The following NKAIN1 variants were observed in gnomAD, a reference collection of about 807,000 sequenced individuals.
The protein encoded by NKAIN1 is sodium/potassium-transporting ATPase subunit beta-1-interacting protein 1.
A neutral mutation model predicts 31.6 loss-of-function variants in NKAIN1; 13 were observed. The observed-to-expected ratio is 0.41, with a 90% confidence interval of 0.27 to 0.65. NKAIN1 has a LOEUF of 0.65. Among genes scored for constraint, NKAIN1 ranks in the 30% least tolerant of loss-of-function variants. The pLI, the probability that NKAIN1 is intolerant of heterozygous loss-of-function variation, is 0.30. For synonymous variants in NKAIN1, 104 were observed against 109.0 expected (o/e 0.95, Z 0.28); for missense variants, 193 against 262.2 (o/e 0.74, Z 1.82).
intron 1 of NKAIN1, among the ~76,000 whole-genome samples, chr1:31,215,354 C>G (rs1247727759): frequency 6.6e-6 from 1 of 152,200 alleles, no homozygotes; most frequent in Non-Finnish European, 1.5e-5. Context: ...TCGGACCCAG[C>G]ATCCCGCTTC....
chr1:31,182,453 G>A, intron 5 of NKAIN1, 77 bp downstream of exon 5: 1 of 1,532,032 alleles, frequency 6.5e-7, no homozygotes, highest in Non-Finnish European at 9.0e-7. Context: ...TCCCGCCGGG[G>A]CCAGTCACAG....
At chr1:31,231,819 T>C (rs560085060) in intron 1 of NKAIN1, among the ~76,000 whole-genome samples, 12 of 152,190 alleles carry the variant, frequency 7.9e-5, no homozygotes, top group South Asian at 2.1e-4. Flanking sequence ...CGTGAGCCAC[T>C]GCACCTGGCG....
At chr1:31,202,389 G>A (rs533448414) in intron 1 of NKAIN1, among the ~76,000 whole-genome samples, 54 of 152,090 alleles carry the variant, frequency 3.6e-4, no homozygotes, top group South Asian at 6.2e-4. Context: ...AAATCAGGCC[G>A]GGGACCAGGC....
At position 31,239,326 on chromosome 1, in the gene NKAIN1, C is replaced by T. The variant is rs1645715739; in HGVS notation, c.54+168G>A. ...AGCGCACACAAAGAGACAGCCCGGC[C>T]AGCGGGAGCAGGCTCCGCCCGACCG... On this transcript the variant is annotated intron_variant, in intron 1 of 6. Transcript: ENST00000373736. The surrounding 1 kb of genome is among the most constrained non-coding windows in gnomAD (Gnocchi z 4.8). Among the ~76,000 whole-genome samples the T allele has an allele frequency of 6.6e-6, 1 of 152,066 alleles. No individual in the cohort carries two copies. Among genetic ancestry groups the T allele is most frequent in the Non-Finnish European group, 1.5e-5 (1 of 67,986 alleles).
At chr1:31,214,131 C>T (rs1645492651) in intron 1 of NKAIN1, among the ~76,000 whole-genome samples, 1 of 152,034 alleles carries the variant, frequency 6.6e-6, no homozygotes, top group African/African-American at 2.4e-5. Context: ...CCTGCTACAA[C>T]ATGAATGACC....
chr1:31,238,357 C>A (rs1645707663), intron 1 of NKAIN1, among the ~76,000 whole-genome samples: 1 of 152,186 alleles, frequency 6.6e-6, no homozygotes, highest in Non-Finnish European at 1.5e-5. Context: ...ACAAGGAGTC[C>A]AGCATGAGGG....
At chr1:31,200,148 G>A (rs887710761) in intron 1 of NKAIN1, among the ~76,000 whole-genome samples, 10 of 152,198 alleles carry the variant, frequency 6.6e-5, no homozygotes, top group African/African-American at 2.4e-4. Context: ...CAGGGCTTTT[G>A]CAGCCTTGCT....
At position 31,209,989 on chromosome 1, in the gene NKAIN1, T is replaced by TAAAA. The variant is rs71569969; in HGVS notation, c.55-21806_55-21803dup. Among the ~76,000 whole-genome samples the TAAAA allele has an allele frequency of 4.6e-3, 630 of 137,166 alleles. 9 individuals are homozygous for TAAAA. Among genetic ancestry groups the TAAAA allele is most frequent in the African/African-American group, 0.015 (573 of 37,066 alleles). The allele number at this position is 137,166 out of a possible 152,430, so 90.0% of individuals were successfully genotyped here. A position where few individuals can be genotyped will look rare whatever the true frequency, so the allele number is the denominator to read the frequency against. On this transcript the variant is annotated intron_variant, in intron 1 of 6. Transcript: ENST00000373736. ...GCAACAGAGCATGACCCTGTCTTAT[T>TAAAA]AAAAAAAAAAAAAAAAGATAAGAAT...
chr1:31,201,582 C>T (rs1423286762), intron 1 of NKAIN1, among the ~76,000 whole-genome samples: 1 of 151,958 alleles, frequency 6.6e-6, no homozygotes, highest in East Asian at 1.9e-4. Flanking sequence ...AGGATGGTCT[C>T]GATCTCCTGA....
chr1:31,182,442 C>G, intron 5 of NKAIN1, 88 bp downstream of exon 5: 3 of 1,493,892 alleles, frequency 2.0e-6, no homozygotes, highest in Non-Finnish European at 1.9e-6. Context: ...CCTGGGCTCC[C>G]TCCCGCCGGG....
At chr1:31,216,607 G>A (rs1489366948) in intron 1 of NKAIN1, among the ~76,000 whole-genome samples, 1 of 152,186 alleles carries the variant, frequency 6.6e-6, no homozygotes, top group Non-Finnish European at 1.5e-5. Flanking sequence ...CCTGCTAGGA[G>A]AGCTGGAGGA....
chr1:31,224,403 A>G (rs1335775049), intron 1 of NKAIN1, among the ~76,000 whole-genome samples: 1 of 152,180 alleles, frequency 6.6e-6, no homozygotes, highest in African/African-American at 2.4e-5. Context: ...TGCAGTTTCG[A>G]ATACAGATGC....
chr1:31,216,978 G>T (rs1027375610), intron 1 of NKAIN1, among the ~76,000 whole-genome samples: 5 of 152,114 alleles, frequency 3.3e-5, no homozygotes, highest in African/African-American at 1.2e-4. Flanking sequence ...CGATTCTCCC[G>T]CCTCAACCTC....
At chr1:31,215,198 C>T (rs1645501682) in intron 1 of NKAIN1, among the ~76,000 whole-genome samples, 2 of 152,164 alleles carry the variant, frequency 1.3e-5, no homozygotes, top group South Asian at 4.1e-4. Flanking sequence ...CTTCTGACTT[C>T]TCCTTCCGAC....
At chr1:31,202,264 G>T (rs1365571319) in intron 1 of NKAIN1, among the ~76,000 whole-genome samples, 1 of 152,172 alleles carries the variant, frequency 6.6e-6, no homozygotes, top group Non-Finnish European at 1.5e-5. Context: ...CTCTGAGCTG[G>T]CAACTCCATT....
intron 1 of NKAIN1, among the ~76,000 whole-genome samples, chr1:31,229,545 A>AC (rs950246618): frequency 4.0e-5 from 6 of 150,214 alleles, no homozygotes; most frequent in Admixed American, 6.6e-5. Context: ...AATCTTTTAC[A>AC]TTTTTTTTTC....
At chr1:31,203,918 T>A (rs1007398607) in intron 1 of NKAIN1, among the ~76,000 whole-genome samples, 3 of 152,120 alleles carry the variant, frequency 2.0e-5, no homozygotes, top group African/African-American at 7.2e-5. Context: ...AACAAACACA[T>A]TCAAAGACAA....
intron 1 of NKAIN1, among the ~76,000 whole-genome samples, chr1:31,236,661 C>T (rs773515966): frequency 6.6e-6 from 1 of 152,142 alleles, no homozygotes; most frequent in Non-Finnish European, 1.5e-5. Flanking sequence ...TCTTGTGCAA[C>T]CTTCACAAGC....
chr1:31,194,218 A>C (rs1385058000), intron 1 of NKAIN1, among the ~76,000 whole-genome samples: 1 of 152,168 alleles, frequency 6.6e-6, no homozygotes, highest in Non-Finnish European at 1.5e-5. Flanking sequence ...CCAGAGTGAC[A>C]GATGAGAACA....
Sources: gnomAD v4.1 joint callset for allele counts (sites outside exome capture counted in the v4.1 genomes callset) on GRCh38, gnomAD v4.1.1 for gene constraint, Gnocchi (gnomAD v3.1) non-coding constraint, MANE v1.5 for transcripts, NCBI Gene and HGNC (gene_info 2026-07-23, HGNC 2026-07-21) for gene names.